The following AKAP10 variants were observed in gnomAD, a reference collection of about 807,000 sequenced individuals.
AKAP10 encodes A-kinase anchor protein 10, mitochondrial.
In AKAP10, 24 loss-of-function variants were observed where a neutral mutation model predicts 80.8. That is an observed-to-expected ratio of 0.30 (90% CI 0.22 to 0.42). AKAP10 has a LOEUF of 0.42. Ranked by LOEUF, AKAP10 falls within the 10% of genes least tolerant of loss-of-function variation. The pLI is 1.00. For synonymous variants in AKAP10, 291 were observed against 277.7 expected (o/e 1.05, Z -0.48); for missense variants, 661 against 794.9 (o/e 0.83, Z 2.03).
intron 13 of AKAP10, 136 bp downstream of exon 13, chr17:19,909,790 A>C: frequency 2.9e-6 from 2 of 700,268 alleles, no homozygotes; most frequent in Admixed American, 5.9e-5. Context: ...CTTTCTTGGT[A>C]CATTCTGGGT....
intron 14 of AKAP10, 42 bp from the exon 15 acceptor site, chr17:19,906,274 C>G (rs995395540): frequency 6.3e-7 from 1 of 1,589,238 alleles, no homozygotes; most frequent in Non-Finnish European, 8.6e-7. Context: ...GTGCATTTCT[C>G]TAACAAGTGA....
chr17:19,907,975 T>G (rs1382584659), intron 14 of AKAP10, among the ~76,000 whole-genome samples: 1 of 152,106 alleles, frequency 6.6e-6, no homozygotes, highest in Non-Finnish European at 1.5e-5. Context: ...GCAATTCTCC[T>G]GCCTCAGCCT....
intron 2 of AKAP10, chr17:19,967,902 A>T (rs190752820): frequency 6.7e-6 from 1 of 149,492 alleles, no homozygotes; most frequent in East Asian, 2.0e-4. Context: ...AAATTAAGGT[A>T]AAAAAAGCCT....
rs199879028 is a variant in AKAP10, at chr17:19,912,977, C to CT, written c.1835-3000dup. ...AATCTCCACATTCCTCAATTTCTTT[C>CT]TTTCTTTTTTTTTTTTTTAAGACAG... On this transcript the variant is annotated intron_variant, in intron 12 of 14. Transcript: ENST00000225737. 2.5e-3 allele frequency among the ~76,000 whole-genome samples: 372 copies of CT among 150,704 alleles called. 15 individuals carry two copies. In the East Asian group the frequency reaches 0.07, roughly 28 times the overall value.
intron 1 of AKAP10, among the ~76,000 whole-genome samples, chr17:19,969,991 T>C (rs1001215521): frequency 1.1e-4 from 16 of 152,188 alleles, no homozygotes; most frequent in African/African-American, 3.9e-4. Flanking sequence ...TACATCTGTA[T>C]TTCCTGGCTG....
At chr17:19,970,357 A>G (rs142663909) in intron 1 of AKAP10, among the ~76,000 whole-genome samples, 92 of 152,310 alleles carry the variant, frequency 6.0e-4, no homozygotes, top group African/African-American at 2.1e-3. Flanking sequence ...ACATTCTCCT[A>G]CTATCAATCA....
intron 9 of AKAP10, 28 bp downstream of exon 9, chr17:19,936,258 G>GT (rs761746449): frequency 3.1e-6 from 5 of 1,592,830 alleles, no homozygotes; most frequent in Non-Finnish European, 4.3e-6. Context: ...ACTTCTTGTA[G>GT]TTTGATACGT....
intron 5 of AKAP10, among the ~76,000 whole-genome samples, chr17:19,946,243 A>ATATATATATATAT (rs2043116295): frequency 6.7e-4 from 8 of 11,938 alleles, no homozygotes; most frequent in African/African-American, 4.2e-3. Flanking sequence ...TATATTATAT[A>ATATATATATATAT]TATATATATA....
At chr17:19,968,370 C>T in intron 2 of AKAP10, 44 bp downstream of exon 2, 1 of 1,515,152 alleles carries the variant, frequency 6.6e-7, no homozygotes, top group East Asian at 2.3e-5. Flanking sequence ...AAATGCAAAG[C>T]ACATCACTTT....
At position 19,906,091 on chromosome 17, in the gene AKAP10, C is replaced by T; in HGVS notation, c.*136G>A. On this transcript the variant is annotated 3_prime_UTR_variant, in exon 15 of 15. Coordinates refer to ENST00000225737, the MANE Select transcript of AKAP10 (RefSeq NM_007202.4). ...TTATGGTGGAAGTCTAGGATTGTCT[C>T]CCATTCTCTCCTGGAAACAACAGTG... 1.1e-6 allele frequency: 1 copy of T among 932,602 alleles called. No homozygotes were observed. The highest frequency in any genetic ancestry group is 1.6e-6 in the Non-Finnish European group (1 of 615,406). 57.8% of individuals were successfully genotyped at this position (932,602 alleles called of 1,614,324 possible). A position where few individuals can be genotyped will look rare whatever the true frequency, so the allele number is the denominator to read the frequency against.
intron 5 of AKAP10, among the ~76,000 whole-genome samples, chr17:19,944,840 T>C (rs940158175): frequency 1.3e-5 from 2 of 152,228 alleles, no homozygotes; most frequent in Non-Finnish European, 2.9e-5. Context: ...TGGATCACTC[T>C]AAATCCTCAC....
intron 11 of AKAP10, among the ~76,000 whole-genome samples, chr17:19,920,887 C>CAAAAAAAAAAAAAAAAAAAAAA (rs2042805303): frequency 7.5e-5 from 5 of 66,864 alleles, no homozygotes; most frequent in African/African-American, 3.1e-4. Flanking sequence ...AAAAAAAAAG[C>CAAAAAAAAAAAAAAAAAAAAAA]AAAAAATACA....
intron 4 of AKAP10, among the ~76,000 whole-genome samples, chr17:19,949,481 TAAAG>T (rs2043173748): frequency 6.6e-6 from 1 of 152,092 alleles, no homozygotes; most frequent in Non-Finnish European, 1.5e-5. Flanking sequence ...AAAAAATATT[TAAAG>T]ACTTAGCCGG....
At chr17:19,924,320 T>C (rs2042850868) in intron 11 of AKAP10, 88 bp downstream of exon 11, 2 of 932,112 alleles carry the variant, frequency 2.1e-6, no homozygotes, top group Admixed American at 6.4e-5. Flanking sequence ...AATAATAGAT[T>C]AGAAAAAAAT....
chr17:19,928,143 TG>T (rs1292941976), intron 10 of AKAP10, among the ~76,000 whole-genome samples: 2 of 152,040 alleles, frequency 1.3e-5, no homozygotes, highest in African/African-American at 4.8e-5. Context: ...GAGAATCACT[TG>T]AACACAGGAG....
At chr17:19,977,552 G>T (rs2043586738) in intron 1 of AKAP10, 40 bp downstream of exon 1, 11 of 1,226,918 alleles carry the variant, frequency 9.0e-6, no homozygotes, top group Non-Finnish European at 1.1e-5. Context: ...CGCCGCCCCT[G>T]AGGCCCGGCC....
intron 7 of AKAP10, 113 bp downstream of exon 7, chr17:19,940,774 C>CT: frequency 8.0e-7 from 1 of 1,248,678 alleles, no homozygotes; most frequent in Non-Finnish European, 1.1e-6. Flanking sequence ...AATGATACAT[C>CT]TTTTTGGAAA....
intron 11 of AKAP10, among the ~76,000 whole-genome samples, chr17:19,921,613 A>T (rs562988382): frequency 6.6e-6 from 1 of 151,980 alleles, no homozygotes; most frequent in East Asian, 1.9e-4. Context: ...AGATGGAAGG[A>T]TTGCTTGAGC....
Position 19,908,944 on chromosome 17 carries a change from C to T in AKAP10, c.1983+237G>A, listed in dbSNP as rs548605293. Among the ~76,000 whole-genome samples, 3 of 152,280 alleles carry T rather than the reference C, an allele frequency of 2.0e-5. No homozygotes were observed. In the East Asian group the frequency reaches 5.8e-4, roughly 29 times the overall value. ...CCTGAACTTTGATATTTAACTCTTT[C>T]GTTCAGCAAGACTACTGGGCTCTGT... On this transcript the variant is annotated intron_variant, in intron 14 of 14. Coordinates refer to ENST00000225737, the MANE Select transcript of AKAP10 (RefSeq NM_007202.4).
Sources: allele counts gnomAD v4.1 joint callset (sites outside exome capture counted in the v4.1 genomes callset), GRCh38; gene constraint gnomAD v4.1.1; transcripts MANE v1.5; gene names NCBI Gene and HGNC (gene_info 2026-07-23, HGNC 2026-07-21).